GRIN2B: variants seen among roughly 807,000 people sequenced by gnomAD.
The protein encoded by GRIN2B is glutamate ionotropic receptor NMDA type subunit 2B, also known as glutamate receptor ionotropic, NMDA 2B.
In GRIN2B, 5 loss-of-function variants were observed where a neutral mutation model predicts 114.5. The ratio of observed to expected loss-of-function variants is 0.04; its 90% CI spans 0.02 to 0.09. The LOEUF (loss-of-function observed/expected upper bound fraction) is 0.09. GRIN2B is among the 10% of genes least tolerant of loss of function. GRIN2B has a pLI of 1.00. For synonymous variants in GRIN2B, 787 were observed against 745.1 expected (o/e 1.06, Z -0.92); for missense variants, 1,108 against 1,943.5 (o/e 0.57, Z 8.08).
intron 3 of GRIN2B, among the ~76,000 whole-genome samples, chr12:13,785,122 C>T (rs1426795397): frequency 6.6e-6 from 1 of 152,296 alleles, no homozygotes. Context: ...CAAAGGAATC[C>T]TTATCATTAA....
chr12:13,963,853 C>A (rs1185937337), intron 2 of GRIN2B, among the ~76,000 whole-genome samples: 2 of 152,182 alleles, frequency 1.3e-5, no homozygotes, highest in Non-Finnish European at 2.9e-5. Flanking sequence ...GGTGCCAGGA[C>A]TCAGCTGTCC....
chr12:13,697,558 CGG>C (rs1950272908), intron 4 of GRIN2B, among the ~76,000 whole-genome samples: 1 of 152,106 alleles, frequency 6.6e-6, no homozygotes, highest in Non-Finnish European at 1.5e-5. Flanking sequence ...AACTAGAGTG[CGG>C]GGGCTGGAAG....
intron 2 of GRIN2B, among the ~76,000 whole-genome samples, chr12:13,873,738 T>C (rs1238918060): frequency 6.6e-6 from 1 of 152,144 alleles, no homozygotes; most frequent in African/African-American, 2.4e-5. Context: ...ACATGCTAGA[T>C]ACATGCCCAA....
chr12:13,595,291 G>A (rs186045098), intron 10 of GRIN2B, among the ~76,000 whole-genome samples: 218 of 152,016 alleles, frequency 1.4e-3, no homozygotes, highest in Non-Finnish European at 2.2e-3. Flanking sequence ...TGTGTTGATC[G>A]TTCTCATGCC....
chr12:13,763,762 T>C (rs1863724862), intron 3 of GRIN2B, among the ~76,000 whole-genome samples: 1 of 152,220 alleles, frequency 6.6e-6, no homozygotes, highest in Non-Finnish European at 1.5e-5. Context: ...AAGTCCAATC[T>C]TTCCCAGCTT....
chr12:13,867,869 G>T (rs1865851246), intron 2 of GRIN2B, among the ~76,000 whole-genome samples: 1 of 150,122 alleles, frequency 6.7e-6, no homozygotes, highest in Non-Finnish European at 1.5e-5. Flanking sequence ...GGTTGAAAAT[G>T]CTGCTTCAGA....
chr12:13,856,578 T>A (rs1296330234), intron 3 of GRIN2B, among the ~76,000 whole-genome samples: 1 of 152,140 alleles, frequency 6.6e-6, no homozygotes, highest in Non-Finnish European at 1.5e-5. Flanking sequence ...ATTTCCAGAC[T>A]GAGAAATAAC....
intron 4 of GRIN2B, among the ~76,000 whole-genome samples, chr12:13,702,001 C>A (rs770108357): frequency 6.6e-5 from 10 of 152,216 alleles, no homozygotes; most frequent in Non-Finnish European, 1.3e-4. Context: ...TCCAAGAAGT[C>A]TTTTCTTTCT....
At chr12:13,698,705 C>A (rs868523176) in intron 4 of GRIN2B, among the ~76,000 whole-genome samples, 19 of 152,232 alleles carry the variant, frequency 1.2e-4, no homozygotes, top group South Asian at 2.1e-4. Flanking sequence ...TTTTTTGAGA[C>A]AGAGTTTCTC....
At chr12:13,660,926 T>C (rs1046197349) in intron 5 of GRIN2B, among the ~76,000 whole-genome samples, 1 of 152,202 alleles carries the variant, frequency 6.6e-6, no homozygotes, top group African/African-American at 2.4e-5. Flanking sequence ...GTTTAATCAG[T>C]ATAGCATGAC....
At chr12:13,692,116 G>T (rs761738588) in intron 4 of GRIN2B, among the ~76,000 whole-genome samples, 4 of 152,128 alleles carry the variant, frequency 2.6e-5, no homozygotes, top group African/African-American at 9.7e-5. Context: ...TTTCCCTGTA[G>T]CAATTAACTC....
At chr12:13,882,548 C>G (rs2136766203) in intron 2 of GRIN2B, among the ~76,000 whole-genome samples, 1 of 152,192 alleles carries the variant, frequency 6.6e-6, no homozygotes, top group Non-Finnish European at 1.5e-5. Flanking sequence ...CTCTGAACCT[C>G]AGAGAGGCTC....
In GRIN2B at chr12:13,759,228, C is replaced by T. The variant is rs1591715734; in HGVS notation, c.412-5313G>A. Among the ~76,000 whole-genome samples, 3 of 151,968 alleles carry T rather than the reference C, an allele frequency of 2.0e-5. No homozygotes were observed. In the South Asian group the frequency reaches 6.3e-4, roughly 32 times the overall value. ...GTTTCATCATGTTGGCCAGGATGGT[C>T]TCCATCTCCTGACATGGTGACCCGC... On this transcript the variant is annotated intron_variant, in intron 3 of 13. Coordinates refer to ENST00000609686, the MANE Select transcript of GRIN2B (RefSeq NM_000834.5).
At chr12:13,949,528 C>T (rs1258785900) in intron 2 of GRIN2B, among the ~76,000 whole-genome samples, 1 of 152,124 alleles carries the variant, frequency 6.6e-6, no homozygotes, top group South Asian at 2.1e-4. Context: ...GCAATCAGCT[C>T]AAAGCCACCG....
At chr12:13,640,873 T>A (rs1008533506) in intron 5 of GRIN2B, among the ~76,000 whole-genome samples, 9 of 152,040 alleles carry the variant, frequency 5.9e-5, no homozygotes, top group Admixed American at 5.2e-4. Context: ...TTAAAAAAAA[T>A]TTGAAGTTTT....
chr12:13,833,069 T>C (rs1285404765), intron 3 of GRIN2B, among the ~76,000 whole-genome samples: 1 of 152,246 alleles, frequency 6.6e-6, no homozygotes, highest in African/African-American at 2.4e-5. Flanking sequence ...AAATGTTCAT[T>C]GTTAAAGTAC....
chr12:13,849,997 TG>T (rs370724637), intron 3 of GRIN2B, among the ~76,000 whole-genome samples: 199 of 152,210 alleles, frequency 1.3e-3, no homozygotes, highest in African/African-American at 4.4e-3. Flanking sequence ...CTGATTATCC[TG>T]GGAAAATAAT....
chr12:13,794,038 CAAAAAAAAAAAAA>C (rs59335663), intron 3 of GRIN2B, among the ~76,000 whole-genome samples: 7 of 79,228 alleles, frequency 8.8e-5, no homozygotes, highest in Admixed American at 6.9e-4. Flanking sequence ...CCCATCTCTA[CAAAAAAAAAAAAA>C]AAAAAAAAAA....
At chr12:13,911,774 A>T (rs1008095149) in intron 2 of GRIN2B, among the ~76,000 whole-genome samples, 1 of 152,170 alleles carries the variant, frequency 6.6e-6, no homozygotes, top group African/African-American at 2.4e-5. Flanking sequence ...GCAGACACAT[A>T]GGGGAAGGTA....
Sources: allele counts gnomAD v4.1 joint callset (sites outside exome capture counted in the v4.1 genomes callset), GRCh38; gene constraint gnomAD v4.1.1; transcripts MANE v1.5; gene names NCBI Gene and HGNC (gene_info 2026-07-23, HGNC 2026-07-21).